BCAT1: variants seen among roughly 807,000 people sequenced by gnomAD.
The protein encoded by BCAT1 is branched chain amino acid transaminase 1.
BCAT1 carries 48 observed loss-of-function variants against 52.4 expected under a neutral mutation model. That is an observed-to-expected ratio of 0.92 (90% CI 0.73 to 1.16). The LOEUF is 1.16. Ranked by LOEUF, BCAT1 falls within the 50% of genes most tolerant of loss-of-function variation. The pLI is 0.00. For synonymous variants in BCAT1, 167 were observed against 161.3 expected, an observed-to-expected ratio of 1.04 and a Z score of -0.27; for missense variants, 451 against 457.1, an observed-to-expected ratio of 0.99 and a Z score of 0.12.
chr12:24,842,258 A>C (rs751456935), intron 6 of BCAT1, 34 bp from the exon 7 acceptor site: 1 of 1,609,714 alleles, frequency 6.2e-7, no homozygotes, highest in Non-Finnish European at 8.5e-7. Flanking sequence ...GGTTACAAAC[A>C]TACTTCATCC....
intron 5 of BCAT1, among the ~76,000 whole-genome samples, chr12:24,874,532 G>A (rs1447263842): frequency 6.6e-6 from 1 of 152,158 alleles, no homozygotes; most frequent in African/African-American, 2.4e-5. Flanking sequence ...CTGCCATTAG[G>A]ATGAAGTTTA....
Position 24,812,909 on chromosome 12 carries a change from A to G in BCAT1, c.*5099T>C, listed in dbSNP as rs540184554. ...CCCAACAGTAGATTACATAAACTGA[A>G]CATCATGCAACTCAAGTTATACGTC... On this transcript the variant is annotated 3_prime_UTR_variant, in exon 11 of 11. Transcript: ENST00000261192. 6.6e-6 allele frequency: 1 copy of G among 152,064 alleles called. No individual in the cohort carries two copies. 9.4% of individuals were successfully genotyped at this position (152,064 alleles called of 1,614,324 possible). A position where few individuals can be genotyped will look rare whatever the true frequency, so the allele number is the denominator to read the frequency against.
chr12:24,832,833 T>C lies in BCAT1; in HGVS notation c.934A>G (p.Thr312Ala), dbSNP rs756697146. 1.2e-6 allele frequency: 2 copies of C among 1,612,344 alleles called. No homozygotes were observed. Among genetic ancestry groups the C allele is most frequent in the South Asian group, 1.1e-5 (1 of 90,600 alleles). Residue 312 changes from threonine (T) to alanine (A), a missense_variant, in exon 9 of 11, where the codon ACC (threonine) becomes GCC (alanine). Physicochemically the swap from Thr to Ala is moderately conservative, Grantham distance 58 (BLOSUM62 0). Transcript: ENST00000261192. ...GEFKVSERYL[T>A]MDDLTTALEG... ...AGGGCTGTTGTCAAGTCATCCATGG[T>C]GAGGTATCTCTCTGACACCTTAAAT...
rs371122955 is a variant in BCAT1, at chr12:24,873,967, T to C, written c.510+4563A>G. Among the ~76,000 whole-genome samples the C allele has an allele frequency of 4.6e-5, 7 of 152,312 alleles. No individual in the cohort carries two copies. The East Asian group carries it at 7.7e-4, about 17-fold the overall frequency. On this transcript the variant is annotated intron_variant, in intron 5 of 10. Transcript: ENST00000261192. ...TAGTAATTGATTTAATTATTTATCA[T>C]GAGGAACTGCACAAAAACATTAGTA...
chr12:24,841,651 C>T (rs1941176575), intron 7 of BCAT1, among the ~76,000 whole-genome samples: 1 of 152,146 alleles, frequency 6.6e-6, no homozygotes, highest in Admixed American at 6.5e-5. Flanking sequence ...ACCTGTAATC[C>T]CAGCACTTTG....
intron 3 of BCAT1, among the ~76,000 whole-genome samples, chr12:24,891,426 T>C (rs980961014): frequency 2.6e-5 from 4 of 152,142 alleles, no homozygotes; most frequent in Non-Finnish European, 4.4e-5. Context: ...ACAGCAACCG[T>C]GTGACGGACC....
At chr12:24,882,784 A>G (rs1441670514) in intron 3 of BCAT1, among the ~76,000 whole-genome samples, 1 of 151,822 alleles carries the variant, frequency 6.6e-6, no homozygotes, top group African/African-American at 2.4e-5. Flanking sequence ...TATTTTTTGT[A>G]GAGACGAGGT....
intron 8 of BCAT1, chr12:24,834,213 CTTTA>C (rs112378441): frequency 2.6e-5 from 25 of 980,070 alleles, no homozygotes; most frequent in African/African-American, 1.4e-4. Context: ...TATATTTGGA[CTTTA>C]TTTGAGAAAT....
At chr12:24,940,680 T>C (rs1449619442) in intron 1 of BCAT1, among the ~76,000 whole-genome samples, 1 of 152,208 alleles carries the variant, frequency 6.6e-6, no homozygotes, top group Non-Finnish European at 1.5e-5. Flanking sequence ...AGTTGATGTG[T>C]ATAACCAAAA....
At chr12:24,869,888 ATTTG>A (rs1942132510) in intron 5 of BCAT1, among the ~76,000 whole-genome samples, 1 of 152,094 alleles carries the variant, frequency 6.6e-6, no homozygotes, top group Non-Finnish European at 1.5e-5. Flanking sequence ...TAGGTGTGTA[ATTTG>A]TTTTAAAATT....
chr12:24,930,812 G>T (rs113613740), intron 1 of BCAT1, among the ~76,000 whole-genome samples: 1 of 151,482 alleles, frequency 6.6e-6, no homozygotes, highest in African/African-American at 2.4e-5. Context: ...CCTTTAGAAG[G>T]TTCTTTAGAT....
intron 6 of BCAT1, 102 bp downstream of exon 6, chr12:24,849,682 TAA>T (rs1591805564): frequency 1.6e-6 from 2 of 1,243,156 alleles, no homozygotes; most frequent in East Asian, 4.8e-5. Flanking sequence ...CAATGAGCAT[TAA>T]AGTTTGAAAA....
chr12:24,850,752 C>T (rs1162283590), intron 5 of BCAT1, among the ~76,000 whole-genome samples: 1 of 152,206 alleles, frequency 6.6e-6, no homozygotes, highest in Non-Finnish European at 1.5e-5. Context: ...CTGTATGTCA[C>T]TTTCCTTCCT....
chr12:24,905,390 T>C (rs1943209151), intron 1 of BCAT1, among the ~76,000 whole-genome samples: 2 of 152,156 alleles, frequency 1.3e-5, no homozygotes, highest in Admixed American at 6.5e-5. Context: ...TCTTCCACAG[T>C]AGGGGAGAGA....
At chr12:24,908,431 T>C (rs1943260329) in intron 1 of BCAT1, among the ~76,000 whole-genome samples, 3 of 152,232 alleles carry the variant, frequency 2.0e-5, no homozygotes, top group Admixed American at 1.3e-4. Context: ...TTCATTTTAA[T>C]TTATATTTAA....
At chr12:24,844,526 G>A (rs1256681698) in intron 6 of BCAT1, among the ~76,000 whole-genome samples, 6 of 152,160 alleles carry the variant, frequency 3.9e-5, no homozygotes, top group Non-Finnish European at 7.3e-5. Context: ...ATTCCAGTAA[G>A]CTGTGGAAAA....
At chr12:24,922,280 T>G (rs917452077) in intron 1 of BCAT1, among the ~76,000 whole-genome samples, 1 of 152,192 alleles carries the variant, frequency 6.6e-6, no homozygotes, top group Non-Finnish European at 1.5e-5. Context: ...TCCACCTGCC[T>G]CAGTCCCCCA....
chr12:24,936,101 C>T (rs1158820850), intron 1 of BCAT1, among the ~76,000 whole-genome samples: 3 of 152,204 alleles, frequency 2.0e-5, no homozygotes, highest in Non-Finnish European at 4.4e-5. Flanking sequence ...GCCCAACACC[C>T]AATTCAAAAG....
intron 6 of BCAT1, among the ~76,000 whole-genome samples, chr12:24,844,056 T>G (rs1941258642): frequency 6.6e-6 from 1 of 152,156 alleles, no homozygotes; most frequent in Non-Finnish European, 1.5e-5. Context: ...AAAAGGGGGA[T>G]GTGCAAAGGA....
Sources: gnomAD v4.1 joint callset for allele counts (sites outside exome capture counted in the v4.1 genomes callset) on GRCh38, gnomAD v4.1.1 for gene constraint, MANE v1.5 for transcripts, NCBI Gene and HGNC (gene_info 2026-07-23, HGNC 2026-07-21) for gene names.